The following RAB38 variants were observed in gnomAD, a reference collection of about 807,000 sequenced individuals.
The protein encoded by RAB38 is ras-related protein Rab-38.
In RAB38, 15 loss-of-function variants were observed where a neutral mutation model predicts 18.4. The ratio of observed to expected loss-of-function variants is 0.82; its 90% CI spans 0.55 to 1.26. The LOEUF is 1.26. Among genes scored for constraint, RAB38 ranks in the 50% most tolerant of loss-of-function variants. RAB38 has a pLI of 0.00. For missense variants in RAB38, 294 were observed against 267.4 expected, an observed-to-expected ratio of 1.10 and a Z score of -0.69; for synonymous variants, 101 against 104.4, an observed-to-expected ratio of 0.97 and a Z score of 0.20.
chr11:88,175,168 T>G lies in RAB38; in HGVS notation c.202+15A>C, dbSNP rs759108697. 6.3e-7 allele frequency: 1 copy of G among 1,576,890 alleles called. No homozygotes were observed. Among genetic ancestry groups the G allele is most frequent in the Non-Finnish European group, 8.6e-7 (1 of 1,159,888 alleles). ...GAGGCGCTCTATCCCCCTGACCCCC[T>G]CCCCCCGCGCTCACCTGCGATATCC... On this transcript the variant is annotated intron_variant, in intron 1 of 2. Coordinates refer to ENST00000243662, the MANE Select transcript of RAB38 (RefSeq NM_022337.3).
the RAB38 span, among the ~76,000 whole-genome samples, chr11:87,871,161 TTTG>T: frequency 6.6e-6 from 1 of 151,570 alleles, no homozygotes; most frequent in Non-Finnish European, 1.5e-5. Context: ...ATGATTCAAG[TTTG>T]TTGTTAGTCT....
chr11:87,914,136 T>C, the RAB38 span, among the ~76,000 whole-genome samples: 7 of 152,100 alleles, frequency 4.6e-5, no homozygotes, highest in African/African-American at 1.4e-4. Flanking sequence ...AAAGGCTCTG[T>C]TTCCATGAAC....
chr11:87,807,209 C>A, the RAB38 span, among the ~76,000 whole-genome samples: 2 of 152,198 alleles, frequency 1.3e-5, no homozygotes, highest in Non-Finnish European at 2.9e-5. Flanking sequence ...TCCATGAAAC[C>A]AGTCTCTGGT....
chr11:88,132,096 G>C (rs1942773070), intron 2 of RAB38, among the ~76,000 whole-genome samples: 1 of 152,220 alleles, frequency 6.6e-6, no homozygotes, highest in South Asian at 2.1e-4. Context: ...CTTGGTTTTA[G>C]CATGATAAGA....
the RAB38 span, among the ~76,000 whole-genome samples, chr11:87,918,369 T>TACATACTG: frequency 6.6e-6 from 1 of 152,166 alleles, no homozygotes; most frequent in Non-Finnish European, 1.5e-5. Flanking sequence ...ATCTCTCTTC[T>TACATACTG]ACATACTGAT....
At chr11:88,134,049 A>G (rs1942800056) in intron 2 of RAB38, among the ~76,000 whole-genome samples, 1 of 152,196 alleles carries the variant, frequency 6.6e-6, no homozygotes, top group Admixed American at 6.5e-5. Context: ...TACATACATA[A>G]CAACCAAACA....
intron 1 of RAB38, chr11:88,173,822 C>T: frequency 2.0e-6 from 2 of 985,408 alleles, no homozygotes; most frequent in Non-Finnish European, 2.4e-6. Flanking sequence ...ATGCATGAAT[C>T]TGTTCATCTG....
chr11:88,140,809 T>A (rs1761443471), intron 2 of RAB38, among the ~76,000 whole-genome samples: 1 of 151,972 alleles, frequency 6.6e-6, no homozygotes, highest in Non-Finnish European at 1.5e-5. Flanking sequence ...GAATGAGGGG[T>A]TTCTAAAGAA....
At chr11:87,962,881 A>G in the RAB38 span, among the ~76,000 whole-genome samples, 1 of 152,202 alleles carries the variant, frequency 6.6e-6, no homozygotes, top group Non-Finnish European at 1.5e-5. Flanking sequence ...ATTCTACATT[A>G]TATACATATA....
chr11:88,107,726 G>A, the RAB38 span, among the ~76,000 whole-genome samples: 1 of 152,096 alleles, frequency 6.6e-6, no homozygotes. Flanking sequence ...GTCAGTTTTA[G>A]ATGTTTCCCA....
chr11:88,108,022 G>A, the RAB38 span, among the ~76,000 whole-genome samples: 1 of 152,112 alleles, frequency 6.6e-6, no homozygotes, highest in Non-Finnish European at 1.5e-5. Flanking sequence ...CATTTGCTGA[G>A]GAGTGTTTTA....
the RAB38 span, among the ~76,000 whole-genome samples, chr11:87,921,103 C>G: frequency 6.6e-6 from 1 of 151,994 alleles, no homozygotes; most frequent in Non-Finnish European, 1.5e-5. Context: ...ATAGGGAACC[C>G]ATTCCTGTGA....
At chr11:87,941,354 C>T in the RAB38 span, among the ~76,000 whole-genome samples, 1 of 150,904 alleles carries the variant, frequency 6.6e-6, no homozygotes, top group Non-Finnish European at 1.5e-5. Flanking sequence ...TTACACTCAT[C>T]GCAGTCTGTC....
At chr11:88,087,098 G>T in the RAB38 span, among the ~76,000 whole-genome samples, 2 of 151,832 alleles carry the variant, frequency 1.3e-5, no homozygotes, top group Non-Finnish European at 2.9e-5. Context: ...GTTCTGTTTT[G>T]CCACTGAAAG....
the RAB38 span, among the ~76,000 whole-genome samples, chr11:88,032,179 G>A: frequency 1.3e-5 from 2 of 152,068 alleles, no homozygotes; most frequent in Admixed American, 6.6e-5. Context: ...CTAGCCATAT[G>A]TAGAAAGCTG....
the RAB38 span, among the ~76,000 whole-genome samples, chr11:87,864,543 T>C: frequency 3.3e-5 from 5 of 151,304 alleles, no homozygotes; most frequent in Non-Finnish European, 5.9e-5. Flanking sequence ...AATATCATGG[T>C]TTTCAGGTAT....
At chr11:88,039,437 C>T in the RAB38 span, among the ~76,000 whole-genome samples, 3 of 151,726 alleles carry the variant, frequency 2.0e-5, no homozygotes, top group Admixed American at 6.6e-5. Flanking sequence ...GTTCCTTAGG[C>T]CAATGTAAAG....
chr11:88,076,636 A>C, the RAB38 span, among the ~76,000 whole-genome samples: 6 of 152,212 alleles, frequency 3.9e-5, no homozygotes, highest in South Asian at 1.2e-3. Context: ...AAAAGCAAGA[A>C]ATAAATTCTA....
Position 88,113,987 on chromosome 11 carries a change from A to T in RAB38, c.*1T>A. Reference sequence around the variant, plus strand: ...CTACCAGACACCAGCAAAGGTGCCTACTAGGATTTGGCACAGCCAGAGCAG... The same window carrying T: ...CTACCAGACACCAGCAAAGGTGCCTTCTAGGATTTGGCACAGCCAGAGCAG... On this transcript the variant is annotated 3_prime_UTR_variant, in exon 3 of 3. Coordinates refer to ENST00000243662, the MANE Select transcript of RAB38 (RefSeq NM_022337.3). 6 of 1,614,146 alleles carry T rather than the reference A, an allele frequency of 3.7e-6. No homozygotes were observed. Among genetic ancestry groups the T allele is most frequent in the Non-Finnish European group, 4.2e-6 (5 of 1,179,982 alleles).
Sources: gnomAD v4.1 joint callset for allele counts (sites outside exome capture counted in the v4.1 genomes callset) on GRCh38, gnomAD v4.1.1 for gene constraint, MANE v1.5 for transcripts, NCBI Gene and HGNC (gene_info 2026-07-23, HGNC 2026-07-21) for gene names.